The following INSYN2A variants were observed in gnomAD, a reference collection of about 807,000 sequenced individuals.
INSYN2A encodes family with sequence similarity 196 member A.
A neutral mutation model predicts 39.4 loss-of-function variants in INSYN2A; 17 were observed. That is an observed-to-expected ratio of 0.43 (90% CI 0.30 to 0.65). The LOEUF (loss-of-function observed/expected upper bound fraction) is 0.65. Ranked by LOEUF, INSYN2A falls within the 30% of genes least tolerant of loss-of-function variation. INSYN2A has a pLI of 0.14. For synonymous variants in INSYN2A, 255 were observed against 265.7 expected (o/e 0.96, Z 0.39); for missense variants, 595 against 631.2 (o/e 0.94, Z 0.61).
Position 127,196,206 on chromosome 10 carries a change from G to T in INSYN2A, c.-604C>A, listed in dbSNP as rs1231080672. 1 of 149,596 alleles carries T rather than the reference G, an allele frequency of 6.7e-6. No individual in the cohort carries two copies. Among genetic ancestry groups the T allele is most frequent in the Non-Finnish European group, 1.5e-5 (1 of 67,276 alleles). 9.3% of individuals were successfully genotyped at this position (149,596 alleles called of 1,614,324 possible). On this transcript the variant is annotated 5_prime_UTR_variant, in exon 1 of 6. Transcript: ENST00000522781. ...CGCCCCCTCCACCGCTGCCGGCCCGGCCCTGCTGGCCCGGCCGGCCCCCGC... is the reference window on the plus strand; with the variant it reads ...CGCCCCCTCCACCGCTGCCGGCCCGTCCCTGCTGGCCCGGCCGGCCCCCGC...
chr10:127,175,954 T>G lies in INSYN2A; in HGVS notation c.442A>C (p.Lys148Gln). Residue 148 changes from lysine to glutamine, a missense_variant, in exon 4 of 6, where the codon AAA (lysine) becomes CAA (glutamine). By Grantham distance (53) the Lys-to-Gln change is moderately conservative (BLOSUM62 1). Transcript: ENST00000522781. The surrounding 1 kb of genome is among the most constrained non-coding windows in gnomAD (Gnocchi z 6.3). ...SQNNGFLTDA[K>Q]EKNEAGPMEE... ...ATGGGTCCAGCCTCGTTCTTCTCTT[T>G]CGCATCTGTTAGAAACCCATTGTTT... The G allele has an allele frequency of 6.2e-7, 1 of 1,614,202 alleles. No homozygotes were observed. Among genetic ancestry groups the G allele is most frequent in the Non-Finnish European group, 8.5e-7 (1 of 1,180,046 alleles).
At chr10:127,162,011 G>A (rs1029019106) in intron 4 of INSYN2A, among the ~76,000 whole-genome samples, 2 of 152,170 alleles carry the variant, frequency 1.3e-5, no homozygotes, top group Non-Finnish European at 2.9e-5. Context: ...TTGATGATGG[G>A]ACAGGCAGTG....
chr10:127,141,676 CAAAA>C (rs796870030), intron 5 of INSYN2A, among the ~76,000 whole-genome samples: 1 of 139,908 alleles, frequency 7.1e-6, no homozygotes, highest in Non-Finnish European at 1.6e-5. Context: ...GTCTTTAAAA[CAAAA>C]AAAAAAAAAA....
chr10:127,147,359 G>A (rs2051979379), intron 5 of INSYN2A, among the ~76,000 whole-genome samples: 1 of 152,078 alleles, frequency 6.6e-6, no homozygotes, highest in Admixed American at 6.5e-5. Flanking sequence ...GCTCTAGAGA[G>A]GCCATCCAAA....
In INSYN2A at chr10:127,176,415, A is replaced by G; in HGVS notation, c.-5-15T>C. ...GACCATGGTTCCTGCATTCAGAAAC[A>G]GCAACAGAGGTGTCAGTGGGACAGA... On this transcript the variant is annotated splice_polypyrimidine_tract_variant and intron_variant, in intron 3 of 5. Transcript: ENST00000522781. The surrounding 1 kb of genome is among the most constrained non-coding windows in gnomAD (Gnocchi z 4.4). The G allele has an allele frequency of 6.3e-7, 1 of 1,578,770 alleles. No individual in the cohort carries two copies. Among genetic ancestry groups the G allele is most frequent in the Non-Finnish European group, 8.6e-7 (1 of 1,162,706 alleles).
At position 127,196,180 on chromosome 10, in the gene INSYN2A, C is replaced by G. The variant is rs981995417; in HGVS notation, c.-578G>C. The G allele has an allele frequency of 5.3e-5, 8 of 150,694 alleles. No homozygotes were observed. Among genetic ancestry groups the G allele is most frequent in the Non-Finnish European group, 1.2e-4 (8 of 67,626 alleles). 9.3% of individuals were successfully genotyped at this position (150,694 alleles called of 1,614,324 possible). A position where few individuals can be genotyped will look rare whatever the true frequency, so the allele number is the denominator to read the frequency against. On this transcript the variant is annotated 5_prime_UTR_variant, in exon 1 of 6. Coordinates refer to ENST00000522781, the MANE Select transcript of INSYN2A (RefSeq NM_001039762.3). ...ACTTGGCCCGCTGCGCGCCTGCTGC[C>G]CGCCCCCTCCACCGCTGCCGGCCCG...
intron 5 of INSYN2A, among the ~76,000 whole-genome samples, chr10:127,149,646 A>G (rs1312576873): frequency 1.3e-5 from 2 of 152,182 alleles, no homozygotes; most frequent in Admixed American, 1.3e-4. Context: ...TTTAAATGCA[A>G]GACAGGCAGG....
intron 5 of INSYN2A, chr10:127,146,233 A>G (rs2051838267): frequency 8.4e-6 from 2 of 239,180 alleles, no homozygotes; most frequent in South Asian, 9.1e-5. Flanking sequence ...CTATCAGTAT[A>G]ATTAGCCTTT....
intron 4 of INSYN2A, among the ~76,000 whole-genome samples, chr10:127,167,266 T>G (rs1732367741): frequency 6.6e-6 from 1 of 152,076 alleles, no homozygotes; most frequent in Non-Finnish European, 1.5e-5. Context: ...ATATTTGGGG[T>G]TTCGAACTTG....
chr10:127,138,659 A>G (rs2050922847), intron 5 of INSYN2A, among the ~76,000 whole-genome samples: 2 of 152,192 alleles, frequency 1.3e-5, no homozygotes, highest in Admixed American at 1.3e-4. Context: ...CTTTGGGAGA[A>G]GCGTGGGGAG....
chr10:127,195,431 G>A (rs1363240948), intron 1 of INSYN2A, among the ~76,000 whole-genome samples: 1 of 152,160 alleles, frequency 6.6e-6, no homozygotes, highest in African/African-American at 2.4e-5. Flanking sequence ...CCAGCGAGTG[G>A]AGGAGACGAG....
chr10:127,168,806 G>A (rs899122608), intron 4 of INSYN2A, among the ~76,000 whole-genome samples: 2 of 152,184 alleles, frequency 1.3e-5, no homozygotes, highest in Non-Finnish European at 2.9e-5. Flanking sequence ...ATTCCTCAGC[G>A]TTTATGCACA....
chr10:127,183,228 C>T (rs1264561773), intron 2 of INSYN2A, among the ~76,000 whole-genome samples: 1 of 151,966 alleles, frequency 6.6e-6, no homozygotes, highest in Non-Finnish European at 1.5e-5. Context: ...TTTGAGGATA[C>T]CCTATTGGGA....
At chr10:127,187,297 AG>A (rs1274152488) in intron 2 of INSYN2A, among the ~76,000 whole-genome samples, 1 of 152,256 alleles carries the variant, frequency 6.6e-6, no homozygotes, top group Non-Finnish European at 1.5e-5. Context: ...GAAAGAGAAC[AG>A]TAGCAAAAGC....
At chr10:127,192,044 G>A (rs1318305468) in intron 2 of INSYN2A, among the ~76,000 whole-genome samples, 1 of 152,212 alleles carries the variant, frequency 6.6e-6, no homozygotes, top group African/African-American at 2.4e-5. Context: ...ACTTCAACAA[G>A]CATTTTGATA....
chr10:127,150,518 G>A (rs750123375), intron 5 of INSYN2A, among the ~76,000 whole-genome samples: 1 of 152,204 alleles, frequency 6.6e-6, no homozygotes, highest in Non-Finnish European at 1.5e-5. Flanking sequence ...CATAAGTGGT[G>A]CACCCATGAT....
intron 5 of INSYN2A, among the ~76,000 whole-genome samples, chr10:127,141,431 G>A (rs898029987): frequency 6.6e-6 from 1 of 152,120 alleles, no homozygotes; most frequent in Non-Finnish European, 1.5e-5. Context: ...GGCCAGGCAC[G>A]GTGGCTCATG....
rs139636526 is a variant in INSYN2A, at chr10:127,188,379, C to CT, written c.-269+4225dup. Among the ~76,000 whole-genome samples the CT allele has an allele frequency of 6.4e-3, 975 of 152,222 alleles. 30 individuals are homozygous for CT. The East Asian group carries it at 0.1, about 16-fold the overall frequency. Reference sequence around the variant, plus strand: ...ATAGTAGGAATAGGGCATATTCACACTTTTTTTTATGTATATATATTTCTG... The same window carrying CT: ...ATAGTAGGAATAGGGCATATTCACACTTTTTTTTTATGTATATATATTTCTG... On this transcript the variant is annotated intron_variant, in intron 2 of 5. Transcript: ENST00000522781.
At chr10:127,163,590 A>C (rs1019579910) in intron 4 of INSYN2A, among the ~76,000 whole-genome samples, 118 of 152,104 alleles carry the variant, frequency 7.8e-4, no homozygotes, top group African/African-American at 2.8e-3. Flanking sequence ...AACTGATAAC[A>C]TGCCCTTTTG....
Sources: gnomAD v4.1 joint callset for allele counts (sites outside exome capture counted in the v4.1 genomes callset) on GRCh38, gnomAD v4.1.1 for gene constraint, Gnocchi (gnomAD v3.1) non-coding constraint, MANE v1.5 for transcripts, NCBI Gene and HGNC (gene_info 2026-07-23, HGNC 2026-07-21) for gene names.